The following TENM4 variants were observed in gnomAD, a reference collection of about 807,000 sequenced individuals.
TENM4 encodes the protein teneurin transmembrane protein 4.
In TENM4, 82 loss-of-function variants were observed where a neutral mutation model predicts 243.3. The ratio of observed to expected loss-of-function variants is 0.34; its 90% CI spans 0.28 to 0.40. The LOEUF (loss-of-function observed/expected upper bound fraction) is 0.40. TENM4 is among the 10% of genes least tolerant of loss of function. TENM4 has a pLI of 1.00. For missense variants in TENM4, 3,138 were observed against 3,673.3 expected (o/e 0.85, Z 3.77); for synonymous variants, 1,412 against 1,456.3 (o/e 0.97, Z 0.69).
At position 79,085,267 on chromosome 11, in the gene TENM4, C is replaced by G. The variant is rs138753396; in HGVS notation, c.-65-15258G>C. Reference sequence around the variant, plus strand: ...TGGCGGGCACCTGTAGTTCCAGCTACTCAGGAGGCTGAGGCAGGAGAATGG... The same window carrying G: ...TGGCGGGCACCTGTAGTTCCAGCTAGTCAGGAGGCTGAGGCAGGAGAATGG... On this transcript the variant is annotated intron_variant, in intron 4 of 33. Coordinates refer to ENST00000278550, the MANE Select transcript of TENM4 (RefSeq NM_001098816.3). Among the ~76,000 whole-genome samples the G allele has an allele frequency of 9.8e-3, 1,487 of 151,540 alleles. 24 individuals carry two copies. Among genetic ancestry groups the G allele is most frequent in the African/African-American group, 0.034 (1,403 of 41,280 alleles).
At chr11:79,382,418 G>T (rs2135527011) in intron 1 of TENM4, among the ~76,000 whole-genome samples, 1 of 152,268 alleles carries the variant, frequency 6.6e-6, no homozygotes, top group Admixed American at 6.5e-5. Flanking sequence ...TCCTACTTAT[G>T]TACATGCCAC....
intron 4 of TENM4, among the ~76,000 whole-genome samples, chr11:79,094,755 C>A (rs1861039339): frequency 6.6e-6 from 1 of 152,196 alleles, no homozygotes; most frequent in African/African-American, 2.4e-5. Flanking sequence ...CCAGTCACCC[C>A]TGGAGACTCC....
rs1855441359 is a variant in TENM4, at chr11:79,242,574, C to T, written c.-264-26665G>A. ...TTGCAAAAGACAGGGTATAAAATCA[C>T]CATAAGCATACCATAAGCATTTCCC... On this transcript the variant is annotated intron_variant, in intron 2 of 33. Transcript: ENST00000278550. Among the ~76,000 whole-genome samples the T allele has an allele frequency of 3.3e-5, 5 of 152,240 alleles. No individual in the cohort carries two copies. In the East Asian group the frequency reaches 9.7e-4, roughly 29 times the overall value.
At chr11:78,847,649 A>C (rs1008158608) in intron 12 of TENM4, among the ~76,000 whole-genome samples, 4 of 152,226 alleles carry the variant, frequency 2.6e-5, no homozygotes, top group African/African-American at 9.6e-5. Context: ...TGTTTCCATT[A>C]GAAATTTCAC....
intron 9 of TENM4, among the ~76,000 whole-genome samples, chr11:78,879,946 C>T (rs1052408396): frequency 6.6e-6 from 1 of 152,128 alleles, no homozygotes; most frequent in African/African-American, 2.4e-5. Context: ...GTGTACCCAA[C>T]AGCTCCAAAG....
intron 2 of TENM4, among the ~76,000 whole-genome samples, chr11:79,234,053 C>T (rs997051553): frequency 2.0e-5 from 3 of 152,128 alleles, no homozygotes; most frequent in African/African-American, 4.8e-5. Flanking sequence ...TCAAATATGG[C>T]GTTTGCTACT....
intron 3 of TENM4, among the ~76,000 whole-genome samples, chr11:79,206,313 T>G (rs1863849174): frequency 6.6e-6 from 1 of 152,170 alleles, no homozygotes; most frequent in Non-Finnish European, 1.5e-5. Context: ...TGCAGGAAAG[T>G]GGCTGCCTGA....
At chr11:78,831,681 G>T (rs187474145) in intron 12 of TENM4, among the ~76,000 whole-genome samples, 102 of 152,370 alleles carry the variant, frequency 6.7e-4, no homozygotes, top group African/African-American at 2.4e-3. Context: ...AACTGAAGCT[G>T]CAAAGGGCGT....
chr11:79,240,478 T>G (rs1864569580), intron 2 of TENM4, among the ~76,000 whole-genome samples: 1 of 152,196 alleles, frequency 6.6e-6, no homozygotes, highest in Admixed American at 6.5e-5. Context: ...TGCTGTCTTA[T>G]TGTGACTACT....
At chr11:79,223,441 T>G (rs522783) in intron 2 of TENM4, among the ~76,000 whole-genome samples, 44,460 of 152,100 alleles carry the variant, frequency 0.29, 7,756 homozygotes, top group Non-Finnish European at 0.4. Flanking sequence ...AGTCTAGTTC[T>G]CAACCACTGG....
intron 2 of TENM4, among the ~76,000 whole-genome samples, chr11:79,255,269 C>T (rs913238735): frequency 5.3e-5 from 8 of 152,204 alleles, no homozygotes; most frequent in Non-Finnish European, 1.2e-4. Context: ...CTGCACCCAG[C>T]ATGGTGCCCA....
Position 78,708,507 on chromosome 11 carries a change from C to T in TENM4, c.4063G>A (p.Val1355Met), listed in dbSNP as rs1859311536. The change falls in exon 27 of 34, where the codon GTG becomes ATG. Residue 1355 changes from valine (V) to methionine (M), a missense_variant. Val to Met is a conservative substitution (Grantham distance 21, BLOSUM62 1). This residue lies in a region of TENM4 where 2,467 missense variants were observed against 3,059.1 expected (regional missense o/e 0.81). Transcript: ENST00000278550. The part of the protein sequence containing the change: ...ATLTNPRGIT[V>M]DKFGLIYFVD... ...AAGTAGATCAGCCCAAACTTGTCCACTGTAATGCCTGGGGGCAGAGAAGCC... is the reference window on the plus strand; with the variant it reads ...AAGTAGATCAGCCCAAACTTGTCCATTGTAATGCCTGGGGGCAGAGAAGCC... 1 of 1,613,710 alleles carries T rather than the reference C, an allele frequency of 6.2e-7. No homozygotes were observed. The highest frequency in any genetic ancestry group is 8.5e-7 in the Non-Finnish European group (1 of 1,179,824).
At chr11:79,299,896 T>C (rs917293605) in intron 1 of TENM4, among the ~76,000 whole-genome samples, 34 of 152,226 alleles carry the variant, frequency 2.2e-4, no homozygotes, top group African/African-American at 7.7e-4. Flanking sequence ...ACAGGTTGAA[T>C]GTCCCATAGA....
intron 17 of TENM4, among the ~76,000 whole-genome samples, chr11:78,778,367 A>G (rs1856777723): frequency 6.6e-6 from 1 of 152,122 alleles, no homozygotes; most frequent in South Asian, 2.1e-4. Flanking sequence ...TATTGTCACA[A>G]ACAGATCTGA....
At chr11:78,805,590 T>C in intron 14 of TENM4, 98 bp from the exon 15 acceptor site, 10 of 1,413,552 alleles carry the variant, frequency 7.1e-6, no homozygotes, top group Non-Finnish European at 9.6e-6. Context: ...AGGGGCTTCA[T>C]ACATTCTGGC....
intron 6 of TENM4, among the ~76,000 whole-genome samples, chr11:78,967,894 A>G (rs1857469680): frequency 6.6e-6 from 1 of 152,242 alleles, no homozygotes; most frequent in African/African-American, 2.4e-5. Flanking sequence ...TAGGAGATGA[A>G]GATGGAGAAA....
Position 78,669,860 on chromosome 11 carries a change from A to G in TENM4, c.6485T>C (p.Leu2162Pro). ...ATACTGGACGGTCATCCAGTACATG[A>G]GCGAGCGGAAGATCTCATACTGCAC... ...KEVQYEIFRS[L>P]MYWMTVQYDN... Residue 2162 changes from leucine (L) to proline (P), a missense_variant, in exon 32 of 34, where the codon CTC becomes CCC. Physicochemically the swap from Leu to Pro is moderately conservative, Grantham distance 98. Around this residue, in one of 2 missense-constraint regions of TENM4, gnomAD observed 2,467 missense variants for 3,059.1 expected, o/e 0.81. Transcript: ENST00000278550. The surrounding 1 kb of genome is among the most constrained non-coding windows in gnomAD (Gnocchi z 6.4). 6.2e-7 allele frequency: 1 copy of G among 1,613,656 alleles called. No individual in the cohort carries two copies. The highest frequency in any genetic ancestry group is 8.5e-7 in the Non-Finnish European group (1 of 1,179,784).
At position 79,070,002 on chromosome 11, in the gene TENM4, C is replaced by A; in HGVS notation, c.-58G>T. On this transcript the variant is annotated 5_prime_UTR_variant, in exon 5 of 34. Transcript: ENST00000278550. ...ACAGGGTCCTCGCCGCACTCAGGGC[C>A]GAGTGGTCTAGAGCCAGGGAAACCA... 1 of 1,523,854 alleles carries A rather than the reference C, an allele frequency of 6.6e-7. No homozygotes were observed. The highest frequency in any genetic ancestry group is 1.2e-5 in the South Asian group (1 of 81,044). 94.4% of individuals were successfully genotyped at this position (1,523,854 alleles called of 1,614,324 possible).
At chr11:78,998,954 A>C (rs1459878831) in intron 6 of TENM4, among the ~76,000 whole-genome samples, 3 of 152,234 alleles carry the variant, frequency 2.0e-5, no homozygotes, top group Non-Finnish European at 4.4e-5. Context: ...GACCCAGTGG[A>C]AATCAAAAGC....
Sources: gnomAD v4.1 joint callset for allele counts (sites outside exome capture counted in the v4.1 genomes callset) on GRCh38, gnomAD v4.1.1 for gene constraint, gnomAD v4.1.1 regional missense constraint, Gnocchi (gnomAD v3.1) non-coding constraint, MANE v1.5 for transcripts, NCBI Gene and HGNC (gene_info 2026-07-23, HGNC 2026-07-21) for gene names.